Variants in TRAPPC9 observed in about 807,000 individuals in gnomAD.
The protein encoded by TRAPPC9 is trafficking protein particle complex subunit 9.
In TRAPPC9, 83 loss-of-function variants were observed where a neutral mutation model predicts 124.0. The observed-to-expected ratio is 0.67, with a 90% CI of 0.56 to 0.80. The LOEUF (loss-of-function observed/expected upper bound fraction) is 0.80, where lower values mean the gene tolerates loss of function less well. TRAPPC9 is among the 30% of genes least tolerant of loss of function. TRAPPC9 has a pLI of 0.00. For synonymous variants in TRAPPC9, 638 were observed against 617.5 expected (o/e 1.03, Z -0.49); for missense variants, 1,302 against 1,508.3 (o/e 0.86, Z 2.27).
chr8:140,391,660 C>T (rs1341485847), intron 7 of TRAPPC9, among the ~76,000 whole-genome samples: 2 of 144,818 alleles, frequency 1.4e-5, no homozygotes, highest in East Asian at 2.0e-4. Context: ...TGTGGTGAGC[C>T]GAGATCGTGC....
chr8:140,399,847 A>T (rs1287538156), intron 6 of TRAPPC9, among the ~76,000 whole-genome samples: 1 of 151,918 alleles, frequency 6.6e-6, no homozygotes, highest in Non-Finnish European at 1.5e-5. Context: ...CAATAATCTG[A>T]CTCTGTGTCC....
At chr8:140,085,933 C>T (rs1844157589) in intron 17 of TRAPPC9, among the ~76,000 whole-genome samples, 1 of 152,160 alleles carries the variant, frequency 6.6e-6, no homozygotes. Flanking sequence ...ACCCCACACC[C>T]CCTTAGGAAT....
chr8:140,143,619 C>A (rs943655567), intron 17 of TRAPPC9, among the ~76,000 whole-genome samples: 1 of 152,158 alleles, frequency 6.6e-6, no homozygotes, highest in Non-Finnish European at 1.5e-5. Context: ...CTCTTTCCTA[C>A]CCCATGGTCT....
intron 9 of TRAPPC9, among the ~76,000 whole-genome samples, chr8:140,328,915 G>A (rs1345980668): frequency 1.3e-5 from 2 of 152,144 alleles, no homozygotes; most frequent in Non-Finnish European, 2.9e-5. Flanking sequence ...GGGACCGGGT[G>A]GAGGAGAGCC....
chr8:139,788,832 G>A lies in TRAPPC9; in HGVS notation c.3056-56630C>T, dbSNP rs889843224. The stretch of plus-strand genomic sequence containing the variant: ...GCTGCCTTCACAAGAGGTGTGGTGG[G>A]GGGCTTTCAGAAACAAAACAAGATA... On this transcript the variant is annotated intron_variant, in intron 21 of 22. Transcript: ENST00000438773. The surrounding 1 kb of genome is among the most constrained non-coding windows in gnomAD (Gnocchi z 4.9). Among the ~76,000 whole-genome samples, 1 of 152,188 alleles carries A rather than the reference G, an allele frequency of 6.6e-6. No individual in the cohort carries two copies. Among genetic ancestry groups the A allele is most frequent in the African/African-American group, 2.4e-5 (1 of 41,442 alleles).
intron 17 of TRAPPC9, among the ~76,000 whole-genome samples, chr8:140,174,641 G>A (rs1262264501): frequency 6.6e-6 from 1 of 152,062 alleles, no homozygotes; most frequent in Non-Finnish European, 1.5e-5. Context: ...GCCTATTCTG[G>A]ACACTTCCTA....
intron 17 of TRAPPC9, among the ~76,000 whole-genome samples, chr8:140,150,651 G>T (rs1001443531): frequency 6.6e-6 from 1 of 152,178 alleles, no homozygotes; most frequent in African/African-American, 2.4e-5. Flanking sequence ...GCAGGGAAAG[G>T]AAGGTGTAAA....
chr8:140,037,737 C>A (rs1840991119), intron 17 of TRAPPC9, among the ~76,000 whole-genome samples: 1 of 147,708 alleles, frequency 6.8e-6, no homozygotes, highest in East Asian at 2.0e-4. Context: ...AATACACACC[C>A]CACACACACA....
chr8:140,385,544 T>C (rs191767434), intron 7 of TRAPPC9, among the ~76,000 whole-genome samples: 10,144 of 152,136 alleles, frequency 0.067, 871 homozygotes, highest in African/African-American at 0.2. Flanking sequence ...AACACCTCTA[T>C]GCAAATAAAC....
chr8:140,424,210 G>A (rs1046282029), intron 5 of TRAPPC9, among the ~76,000 whole-genome samples: 2 of 151,966 alleles, frequency 1.3e-5, no homozygotes, highest in African/African-American at 4.8e-5. Context: ...AGTGCAAACT[G>A]CTCATTTTTA....
Position 140,439,138 on chromosome 8 carries a change from T to C in TRAPPC9, c.644A>G (p.Gln215Arg). Residue 215 changes from glutamine (Q) to arginine (R), a missense_variant, in exon 3 of 23, where the codon CAG (glutamine) becomes CGG (arginine). Gln to Arg is a conservative substitution (Grantham distance 43). This residue lies in a region of TRAPPC9 where 657 missense variants were observed against 811.2 expected (regional missense o/e 0.81). Coordinates refer to ENST00000438773, the MANE Select transcript of TRAPPC9 (RefSeq NM_001160372.4). ...CAGGGAGTCCTGCAGCATCCCTGCC[T>C]GCAGGCACAGGTCCCCCACGTGCTT... is the stretch of plus-strand genomic sequence containing the variant. ...MRKHVGDLCL[Q>R]AGMLQDSLVH... is the part of the protein sequence containing the mutation. The C allele has an allele frequency of 6.2e-7, 1 of 1,614,216 alleles. No individual in the cohort carries two copies. The highest frequency in any genetic ancestry group is 8.5e-7 in the Non-Finnish European group (1 of 1,180,030).
intron 17 of TRAPPC9, among the ~76,000 whole-genome samples, chr8:140,118,506 C>T (rs958240974): frequency 2.6e-5 from 4 of 152,210 alleles, no homozygotes; most frequent in African/African-American, 9.7e-5. Context: ...TGGGAACTGT[C>T]ATCTGTGCAC....
chr8:139,922,263 GC>G (rs989423032), intron 19 of TRAPPC9, among the ~76,000 whole-genome samples: 18 of 150,854 alleles, frequency 1.2e-4, no homozygotes, highest in South Asian at 6.3e-4. Context: ...TGAAACCCCT[GC>G]CCCCTGCCTC....
At chr8:140,227,918 T>C (rs73364968) in intron 16 of TRAPPC9, among the ~76,000 whole-genome samples, 11,989 of 152,254 alleles carry the variant, frequency 0.079, 1,548 homozygotes, top group African/African-American at 0.27. Context: ...GACAACTGGA[T>C]TGGTCACTAC....
chr8:140,143,420 C>T (rs1180474692), intron 17 of TRAPPC9, among the ~76,000 whole-genome samples: 1 of 152,202 alleles, frequency 6.6e-6, no homozygotes, highest in Non-Finnish European at 1.5e-5. Flanking sequence ...CGTCTCCTCC[C>T]CTTTTGGAAA....
At chr8:140,023,826 A>G (rs1367296890) in intron 18 of TRAPPC9, 111 bp downstream of exon 18, 10 of 1,540,272 alleles carry the variant, frequency 6.5e-6, no homozygotes, top group Non-Finnish European at 9.0e-6. Context: ...ACTTGGCCCC[A>G]TGGCACGGAT....
At chr8:139,735,012 G>A (rs927309418) in intron 21 of TRAPPC9, among the ~76,000 whole-genome samples, 6 of 152,248 alleles carry the variant, frequency 3.9e-5, no homozygotes, top group Admixed American at 6.5e-5. Flanking sequence ...AAACCTGGGG[G>A]TCCTGAGGCC....
chr8:140,163,224 T>G (rs1282529441), intron 17 of TRAPPC9, among the ~76,000 whole-genome samples: 2 of 152,022 alleles, frequency 1.3e-5, no homozygotes, highest in Non-Finnish European at 2.9e-5. Flanking sequence ...CCATCAACCC[T>G]CAGCTCCAGA....
chr8:140,087,526 C>T lies in TRAPPC9; in HGVS notation c.2557-63447G>A, dbSNP rs901887398. On this transcript the variant is annotated intron_variant, in intron 17 of 22. Coordinates refer to ENST00000438773, the MANE Select transcript of TRAPPC9 (RefSeq NM_001160372.4). This position sits in a 1 kb window ranked among gnomAD's most constrained non-coding sequence, Gnocchi z 4.6. ...TGTGTTTTCCCCACATTCTAATCCCCACCGAGCTTCCTCCATCTCAGTAAA... is the reference window on the plus strand; with the variant it reads ...TGTGTTTTCCCCACATTCTAATCCCTACCGAGCTTCCTCCATCTCAGTAAA... 6.6e-6 allele frequency among the ~76,000 whole-genome samples: 1 copy of T among 152,218 alleles called. No individual in the cohort carries two copies. Among genetic ancestry groups the T allele is most frequent in the African/African-American group, 2.4e-5 (1 of 41,468 alleles).
Sources: allele counts gnomAD v4.1 joint callset (sites outside exome capture counted in the v4.1 genomes callset), GRCh38; gene constraint gnomAD v4.1.1; regional missense constraint gnomAD v4.1.1; non-coding constraint Gnocchi (gnomAD v3.1); transcripts MANE v1.5; gene names NCBI Gene and HGNC (gene_info 2026-07-23, HGNC 2026-07-21).